MIAT: variants seen among roughly 807,000 people sequenced by gnomAD.
MIAT encodes myocardial infarction associated transcript, also known as MI related novel mRNA.
intron 2 of MIAT, chr22:26,657,736 TG>T (rs1421258085): frequency 7.5e-6 from 3 of 398,370 alleles, no homozygotes; most frequent in Non-Finnish European, 1.3e-5. Flanking sequence ...TCCCCAAGGC[TG>T]GGGTCGAGGG....
At chr22:26,651,887 C>A (rs756275984) in intron 2 of MIAT, among the ~76,000 whole-genome samples, 1 of 152,222 alleles carries the variant, frequency 6.6e-6, no homozygotes, top group Non-Finnish European at 1.5e-5. Flanking sequence ...TGTCTTGGAA[C>A]TAGCTAGACC....
At chr22:26,675,897 T>C in exon 5 of MIAT, 1 of 398,592 alleles carries the variant, frequency 2.5e-6, no homozygotes, top group Non-Finnish European at 4.4e-6. Context: ...GGCAGAAGGA[T>C]TGGGACTAGG....
chr22:26,669,057 C>T (rs1021508024), exon 6 of MIAT: 8 of 398,438 alleles, frequency 2.0e-5, no homozygotes, highest in Non-Finnish European at 3.5e-5. Context: ...CCAATCAGAT[C>T]GCTGCTTCTA....
intron 2 of MIAT, among the ~76,000 whole-genome samples, chr22:26,649,145 A>T (rs531281953): frequency 1.3e-5 from 2 of 152,318 alleles, no homozygotes; most frequent in South Asian, 4.1e-4. Flanking sequence ...CACTCAGACC[A>T]CTTAGTTCTT....
chr22:26,669,474 GT>G (rs1304359622), exon 6 of MIAT: 1 of 396,010 alleles, frequency 2.5e-6, no homozygotes, highest in Non-Finnish European at 4.4e-6. Context: ...GCAGGCTCTG[GT>G]GTCTCCTCCT....
chr22:26,647,287 G>A, exon 2 of MIAT: 2 of 395,684 alleles, frequency 5.1e-6, no homozygotes, highest in Non-Finnish European at 8.9e-6. Context: ...ACCGTGCCCT[G>A]GAGATGCTGG....
exon 4 of MIAT, chr22:26,666,127 T>C (rs560126327): frequency 5.0e-6 from 2 of 398,680 alleles, no homozygotes; most frequent in South Asian, 2.5e-4. Flanking sequence ...TCCCGGGTGC[T>C]GACAGCAAGC....
downstream of MIAT, chr22:26,671,505 G>A (rs916230869): frequency 7.0e-5 from 28 of 398,568 alleles, no homozygotes; most frequent in South Asian, 1.3e-4. Context: ...AACCAGGCCC[G>A]AGCATGCCCT....
chr22:26,659,840 C>CTTTTT (rs1189391284), intron 2 of MIAT, among the ~76,000 whole-genome samples: 8,691 of 94,576 alleles, frequency 0.092, 363 homozygotes, highest in Non-Finnish European at 0.097. Flanking sequence ...TTCTTTCTTT[C>CTTTTT]TTTTTTTTTT....
At chr22:26,668,069 C>T (rs1602368897) in intron 5 of MIAT, 4 of 397,832 alleles carry the variant, frequency 1.0e-5, no homozygotes, top group Admixed American at 4.4e-5. Flanking sequence ...GAACATGAGT[C>T]CCCTCAGATG....
At chr22:26,661,584 G>C (rs941264401) in intron 2 of MIAT, among the ~76,000 whole-genome samples, 2 of 152,138 alleles carry the variant, frequency 1.3e-5, no homozygotes, top group African/African-American at 4.8e-5. Flanking sequence ...ATTAGGCATT[G>C]CAGGTGGGAA....
chr22:26,647,916 G>C (rs76773287), intron 2 of MIAT, among the ~76,000 whole-genome samples: 2,757 of 152,078 alleles, frequency 0.018, 77 homozygotes, highest in African/African-American at 0.059. Flanking sequence ...GGAAGGGTGA[G>C]TGTGAAACTG....
At chr22:26,660,566 C>T (rs139084809) in intron 2 of MIAT, 1 of 151,974 alleles carries the variant, frequency 6.6e-6, no homozygotes, top group Non-Finnish European at 1.5e-5. Context: ...GTTATTACGA[C>T]CTTTGCAGAA....
intron 2 of MIAT, among the ~76,000 whole-genome samples, chr22:26,648,931 C>G (rs1046817834): frequency 6.7e-6 from 1 of 149,094 alleles, no homozygotes; most frequent in African/African-American, 2.5e-5. Flanking sequence ...GAGAGCGAGA[C>G]AGAGAGAGAG....
chr22:26,647,139 C>A, intron 1 of MIAT: 2 of 398,544 alleles, frequency 5.0e-6, no homozygotes, highest in Non-Finnish European at 8.8e-6. Flanking sequence ...AGGCAAGCCA[C>A]CTTTCTTCTC....
At chr22:26,649,117 AG>A (rs1930291898) in intron 2 of MIAT, among the ~76,000 whole-genome samples, 1 of 152,226 alleles carries the variant, frequency 6.6e-6, no homozygotes, top group Non-Finnish European at 1.5e-5. Context: ...GCAATGTGAC[AG>A]GGCCATGTGT....
chr22:26,676,471 G>A (rs1352438890), exon 5 of MIAT: 5 of 398,058 alleles, frequency 1.3e-5, no homozygotes, highest in Admixed American at 4.4e-5. Flanking sequence ...ATCAATTCAC[G>A]CTGGAAACAT....
chr22:26,659,718 C>T (rs766348801), intron 2 of MIAT, among the ~76,000 whole-genome samples: 8 of 148,858 alleles, frequency 5.4e-5, no homozygotes, highest in Non-Finnish European at 7.4e-5. Flanking sequence ...TAATTTTTTC[C>T]GATTTTAAAA....
chr22:26,673,559 AT>A (rs974070876), downstream of MIAT: 1 of 398,524 alleles, frequency 2.5e-6, no homozygotes, highest in Non-Finnish European at 4.4e-6. Context: ...TGGTTTGTGG[AT>A]TTTTTTCTGA....
Sources: gnomAD v4.1 joint callset for allele counts (sites outside exome capture counted in the v4.1 genomes callset) on GRCh38, gnomAD v4.1.1 for gene constraint, MANE v1.5 for transcripts, NCBI Gene and HGNC (gene_info 2026-07-23, HGNC 2026-07-21) for gene names.